The following GALNT18 variants were observed in gnomAD, a reference collection of about 807,000 sequenced individuals.
GALNT18 encodes the protein polypeptide N-acetylgalactosaminyltransferase 18, also known as GalNAc-transferase 18.
GALNT18 carries 44 observed loss-of-function variants against 69.5 expected under a neutral mutation model. The ratio of observed to expected loss-of-function variants is 0.63; its 90% CI spans 0.50 to 0.81. The LOEUF is 0.81. GALNT18 is among the 40% of genes least tolerant of loss of function. The pLI is 0.00. For missense variants in GALNT18, 715 were observed against 810.0 expected, an observed-to-expected ratio of 0.88 and a Z score of 1.42; for synonymous variants, 364 against 318.2, an observed-to-expected ratio of 1.14 and a Z score of -1.53.
chr11:11,412,117 G>A (rs1333131669), intron 3 of GALNT18, among the ~76,000 whole-genome samples: 1 of 152,132 alleles, frequency 6.6e-6, no homozygotes, highest in Non-Finnish European at 1.5e-5. Context: ...CTATAGTAAC[G>A]TGGCTCCAGC....
In GALNT18 at chr11:11,600,201, T is replaced by C. The variant is rs1010123021; in HGVS notation, c.235+21158A>G. Among the ~76,000 whole-genome samples the C allele has an allele frequency of 2.0e-5, 3 of 152,124 alleles. No homozygotes were observed. The highest frequency in any genetic ancestry group is 4.8e-5 in the African/African-American group (2 of 41,468). The stretch of plus-strand genomic sequence containing the variant: ...TATACAAATACGTTGTTTTTTATAA[T>C]GGCTTATATAATTACCTTTAGTGGT... On this transcript the variant is annotated intron_variant, in intron 1 of 10. Coordinates refer to ENST00000227756, the MANE Select transcript of GALNT18 (RefSeq NM_198516.3). The surrounding 1 kb of genome is among the most constrained non-coding windows in gnomAD (Gnocchi z 4.8).
At chr11:11,509,818 C>T (rs1039650970) in intron 1 of GALNT18, among the ~76,000 whole-genome samples, 2 of 152,268 alleles carry the variant, frequency 1.3e-5, no homozygotes, top group African/African-American at 4.8e-5. Context: ...ACATGCGCTA[C>T]TCCATCCTCT....
chr11:11,578,783 A>G (rs1858995977), intron 1 of GALNT18, among the ~76,000 whole-genome samples: 1 of 152,194 alleles, frequency 6.6e-6, no homozygotes, highest in Admixed American at 6.5e-5. Flanking sequence ...CATTAGCAAA[A>G]TCAATGAAGG....
At chr11:11,525,036 G>A (rs1054272110) in intron 1 of GALNT18, among the ~76,000 whole-genome samples, 24 of 152,130 alleles carry the variant, frequency 1.6e-4, no homozygotes, top group African/African-American at 5.8e-4. Flanking sequence ...TATCAGAGAA[G>A]GTTGAAGAGA....
intron 10 of GALNT18, among the ~76,000 whole-genome samples, chr11:11,278,956 T>TGTAA (rs987562937): frequency 1.3e-5 from 2 of 152,232 alleles, no homozygotes; most frequent in African/African-American, 4.8e-5. Context: ...CAGCATTACA[T>TGTAA]GTACCCCATA....
Position 11,303,903 on chromosome 11 carries a change from C to T in GALNT18, c.1513-10710G>A, listed in dbSNP as rs148005184. ...CGCTTTGACCCTCAGGAAGTACCTG[C>T]CTCTGGTAATCTAGCACACACCCCT... On this transcript the variant is annotated intron_variant, in intron 9 of 10. Coordinates refer to ENST00000227756, the MANE Select transcript of GALNT18 (RefSeq NM_198516.3). 4.7e-4 allele frequency among the ~76,000 whole-genome samples: 72 copies of T among 152,314 alleles called. 1 individual carries two copies. In the East Asian group the frequency reaches 0.013, roughly 27 times the overall value.
chr11:11,621,311 G>C lies in GALNT18; in HGVS notation c.235+48C>G. Reference sequence around the variant, plus strand: ...CCCCAGCGCACCCCGCGCCGCGCGGGGCACTCCCGGGCCTCATGGGCGACC... The same window carrying C: ...CCCCAGCGCACCCCGCGCCGCGCGGCGCACTCCCGGGCCTCATGGGCGACC... On this transcript the variant is annotated intron_variant, in intron 1 of 10. Coordinates refer to ENST00000227756, the MANE Select transcript of GALNT18 (RefSeq NM_198516.3). This position sits in a 1 kb window ranked among gnomAD's most constrained non-coding sequence, Gnocchi z 9.3. 1 of 1,529,080 alleles carries C rather than the reference G, an allele frequency of 6.5e-7. No homozygotes were observed. Among genetic ancestry groups the C allele is most frequent in the South Asian group, 1.1e-5 (1 of 87,730 alleles). The allele number at this position is 1,529,080 out of a possible 1,614,324, so 94.7% of individuals were successfully genotyped here. A position where few individuals can be genotyped will look rare whatever the true frequency, so the allele number is the denominator to read the frequency against.
chr11:11,506,022 AC>A (rs1470438915), intron 1 of GALNT18, among the ~76,000 whole-genome samples: 1 of 152,112 alleles, frequency 6.6e-6, no homozygotes, highest in East Asian at 1.9e-4. Flanking sequence ...TCCTGCAGTC[AC>A]CCTGCAGCAA....
At chr11:11,453,997 A>G (rs1855867900) in intron 1 of GALNT18, among the ~76,000 whole-genome samples, 1 of 152,236 alleles carries the variant, frequency 6.6e-6, no homozygotes, top group East Asian at 1.9e-4. Flanking sequence ...TGAGTCCCTC[A>G]GACTCAGAAC....
chr11:11,557,950 G>A (rs184068765), intron 1 of GALNT18, among the ~76,000 whole-genome samples: 13 of 152,310 alleles, frequency 8.5e-5, no homozygotes, highest in East Asian at 3.9e-4. Flanking sequence ...ATTCAGCTGC[G>A]AGTGTTTTTG....
Position 11,586,739 on chromosome 11 carries a change from C to T in GALNT18, c.235+34620G>A, listed in dbSNP as rs983876411. On this transcript the variant is annotated intron_variant, in intron 1 of 10. Transcript: ENST00000227756. This position sits in a 1 kb window ranked among gnomAD's most constrained non-coding sequence, Gnocchi z 4.1. ...CTGTAATCACAGCCCTTTGGGACGCCGAGGCGGGCAGATCACCTGAGGTCA... is the reference window on the plus strand; with the variant it reads ...CTGTAATCACAGCCCTTTGGGACGCTGAGGCGGGCAGATCACCTGAGGTCA... Among the ~76,000 whole-genome samples, 1 of 152,090 alleles carries T rather than the reference C, an allele frequency of 6.6e-6. No homozygotes were observed. Among genetic ancestry groups the T allele is most frequent in the Non-Finnish European group, 1.5e-5 (1 of 68,024 alleles).
In GALNT18 at chr11:11,293,090, C is replaced by T. The variant is rs200436772; in HGVS notation, c.1616G>A (p.Arg539Gln). 1.9e-5 allele frequency: 26 copies of T among 1,383,118 alleles called. No homozygotes were observed. Among genetic ancestry groups the T allele is most frequent in the African/African-American group, 4.5e-5 (3 of 67,124 alleles). 85.7% of individuals were successfully genotyped at this position (1,383,118 alleles called of 1,614,324 possible). A position where few individuals can be genotyped will look rare whatever the true frequency, so the allele number is the denominator to read the frequency against. The part of the protein sequence containing the change: ...RCLVDVNSRP[R>Q]LIECSYAKAK... Reference sequence around the variant, plus strand: ...TTTGGCGTAGCTGCATTCGATGAGCCGGGGCCGGCTGTTGACGTCCACCAG... The same window carrying T: ...TTTGGCGTAGCTGCATTCGATGAGCTGGGGCCGGCTGTTGACGTCCACCAG... Residue 539 changes from arginine to glutamine, a missense_variant, in exon 10 of 11, where the codon CGG becomes CAG. Transcript: ENST00000227756.
chr11:11,560,160 GT>G (rs1565012835), intron 1 of GALNT18, among the ~76,000 whole-genome samples: 9 of 1,264 alleles, frequency 7.1e-3, no homozygotes, highest in Non-Finnish European at 0.014. Flanking sequence ...ATGATGGGAT[GT>G]ATGGGATGGG....
chr11:11,486,498 T>C (rs1872795), intron 1 of GALNT18, among the ~76,000 whole-genome samples: 70,780 of 152,020 alleles, frequency 0.47, 16,845 homozygotes, highest in East Asian at 0.72. Flanking sequence ...CTTCTTCTAC[T>C]TAAAAAATAA....
rs78855143 is a variant in GALNT18 at position 11,531,562 on chromosome 11, C to G, written c.236-82626G>C. 4.6e-3 allele frequency among the ~76,000 whole-genome samples: 704 copies of G among 152,346 alleles called. 6 individuals carry two copies. The highest frequency in any genetic ancestry group is 0.016 in the African/African-American group (675 of 41,580). ...CTCAGTAAGGCTCAGCCAAGGGAAG[C>G]CATCCATAGGGGATCACAGGGTAGC... On this transcript the variant is annotated intron_variant, in intron 1 of 10. Transcript: ENST00000227756.
intron 10 of GALNT18, among the ~76,000 whole-genome samples, chr11:11,279,531 C>A (rs559847031): frequency 6.6e-6 from 1 of 152,156 alleles, no homozygotes; most frequent in South Asian, 2.1e-4. Context: ...AATAGTACAG[C>A]AGACATATAA....
intron 9 of GALNT18, among the ~76,000 whole-genome samples, chr11:11,303,126 G>T (rs1849525913): frequency 6.6e-6 from 1 of 152,054 alleles, no homozygotes; most frequent in South Asian, 2.1e-4. Flanking sequence ...TCCTCTATTG[G>T]CCCCTGCTGC....
chr11:11,571,300 C>T (rs554129082), intron 1 of GALNT18, among the ~76,000 whole-genome samples: 1 of 152,342 alleles, frequency 6.6e-6, no homozygotes, highest in South Asian at 2.1e-4. Flanking sequence ...GTCCCAAGGG[C>T]ATGTCTTTGG....
intron 1 of GALNT18, among the ~76,000 whole-genome samples, chr11:11,526,331 G>A (rs542645877): frequency 5.9e-5 from 9 of 152,128 alleles, no homozygotes; most frequent in Non-Finnish European, 1.0e-4. Context: ...AGAATAGCAC[G>A]ACTTTGTGAA....
Sources: allele counts gnomAD v4.1 joint callset (sites outside exome capture counted in the v4.1 genomes callset), GRCh38; gene constraint gnomAD v4.1.1; non-coding constraint Gnocchi (gnomAD v3.1); transcripts MANE v1.5; gene names NCBI Gene and HGNC (gene_info 2026-07-23, HGNC 2026-07-21).